STXBP5L: variants seen among roughly 807,000 people sequenced by gnomAD.
The protein encoded by STXBP5L is syntaxin-binding protein 5-like.
A neutral mutation model predicts 144.5 loss-of-function variants in STXBP5L; 65 were observed. The ratio of observed to expected loss-of-function variants is 0.45; its 90% CI spans 0.37 to 0.55. The LOEUF (loss-of-function observed/expected upper bound fraction) is 0.55, where lower values mean the gene tolerates loss of function less well. Among genes scored for constraint, STXBP5L ranks in the 20% least tolerant of loss-of-function variants. The pLI, the probability that STXBP5L is intolerant of heterozygous loss-of-function variation, is 0.00. For missense variants in STXBP5L, 1,298 were observed against 1,405.5 expected (o/e 0.92, Z 1.22); for synonymous variants, 505 against 469.6 (o/e 1.08, Z -0.97).
At chr3:121,070,440 G>T (rs1170313701) in intron 5 of STXBP5L, among the ~76,000 whole-genome samples, 2 of 152,186 alleles carry the variant, frequency 1.3e-5, no homozygotes, top group South Asian at 2.1e-4. Flanking sequence ...TAACTTGAGT[G>T]TAAGGGGGGT....
intron 3 of STXBP5L, among the ~76,000 whole-genome samples, chr3:120,992,189 T>C (rs1426474235): frequency 1.3e-5 from 2 of 152,154 alleles, no homozygotes; most frequent in Non-Finnish European, 2.9e-5. Flanking sequence ...TATTTCTCTG[T>C]ATTTATGGAG....
chr3:121,413,457 C>T, intron 24 of STXBP5L, 134 bp downstream of exon 24: 1 of 770,220 alleles, frequency 1.3e-6, no homozygotes, highest in Middle Eastern at 3.6e-4. Flanking sequence ...AATATATATT[C>T]TTCATTTTGA....
At chr3:121,311,388 T>C (rs1435385698) in intron 19 of STXBP5L, among the ~76,000 whole-genome samples, 1 of 152,220 alleles carries the variant, frequency 6.6e-6, no homozygotes, top group Non-Finnish European at 1.5e-5. Context: ...CTTTATTTAG[T>C]ATAGTAAAGA....
At chr3:120,991,838 C>T (rs1236141479) in intron 3 of STXBP5L, among the ~76,000 whole-genome samples, 4 of 152,050 alleles carry the variant, frequency 2.6e-5, no homozygotes, top group Admixed American at 1.3e-4. Flanking sequence ...GGAGGGATAG[C>T]ATTAGGAGAT....
intron 20 of STXBP5L, among the ~76,000 whole-genome samples, chr3:121,375,735 T>A (rs1233777835): frequency 6.6e-6 from 1 of 152,174 alleles, no homozygotes; most frequent in Non-Finnish European, 1.5e-5. Context: ...ATCCAGGAAA[T>A]GTACAATTAT....
At chr3:120,970,004 A>T (rs1485276632) in intron 3 of STXBP5L, among the ~76,000 whole-genome samples, 7 of 152,090 alleles carry the variant, frequency 4.6e-5, no homozygotes, top group Admixed American at 4.6e-4. Context: ...AAATCAGGTC[A>T]TTTAAAACTG....
intron 9 of STXBP5L, among the ~76,000 whole-genome samples, chr3:121,186,584 G>C (rs1234046866): frequency 1.3e-5 from 2 of 152,136 alleles, no homozygotes; most frequent in Non-Finnish European, 2.9e-5. Flanking sequence ...CTGTTTATAT[G>C]CTGGATTACA....
intron 19 of STXBP5L, among the ~76,000 whole-genome samples, chr3:121,308,519 A>G (rs543613609): frequency 6.6e-5 from 10 of 152,326 alleles, no homozygotes; most frequent in African/African-American, 2.4e-4. Flanking sequence ...TTCTTCTCTC[A>G]GCTGATTTTT....
At chr3:121,027,788 CAT>C in intron 3 of STXBP5L, among the ~76,000 whole-genome samples, 1 of 152,080 alleles carries the variant, frequency 6.6e-6, no homozygotes, top group Admixed American at 6.6e-5. Flanking sequence ...TGTAACATAA[CAT>C]ATTCAAAGGT....
chr3:121,043,669 A>G (rs1469501597), intron 4 of STXBP5L, among the ~76,000 whole-genome samples: 1 of 152,166 alleles, frequency 6.6e-6, no homozygotes, highest in Non-Finnish European at 1.5e-5. Flanking sequence ...AGATCGCACC[A>G]CTGCACTCCA....
At chr3:121,410,810 T>A (rs1464711326) in intron 23 of STXBP5L, among the ~76,000 whole-genome samples, 1 of 152,128 alleles carries the variant, frequency 6.6e-6, no homozygotes, top group Non-Finnish European at 1.5e-5. Flanking sequence ...AAGTCTTTTT[T>A]TCTTCTGTTA....
chr3:121,046,096 G>A (rs899177297), intron 5 of STXBP5L, among the ~76,000 whole-genome samples: 18 of 152,138 alleles, frequency 1.2e-4, no homozygotes, highest in Non-Finnish European at 2.4e-4. Flanking sequence ...TGTACCAGAA[G>A]ACTTTTCTGC....
intron 3 of STXBP5L, among the ~76,000 whole-genome samples, chr3:120,999,526 T>C (rs1397982913): frequency 6.6e-6 from 1 of 152,244 alleles, no homozygotes; most frequent in Non-Finnish European, 1.5e-5. Context: ...CTTTATCTAA[T>C]TGACTATGCT....
intron 18 of STXBP5L, among the ~76,000 whole-genome samples, chr3:121,274,044 T>A (rs2050805889): frequency 6.6e-6 from 1 of 152,234 alleles, no homozygotes; most frequent in South Asian, 2.1e-4. Context: ...TTATTTTGAA[T>A]CATTTTTCAG....
chr3:121,178,031 A>G (rs986647857), intron 9 of STXBP5L, among the ~76,000 whole-genome samples: 6 of 152,220 alleles, frequency 3.9e-5, no homozygotes, highest in Non-Finnish European at 2.9e-5. Flanking sequence ...GCACAAGAAG[A>G]CAAATACTGT....
chr3:121,121,529 C>A, intron 6 of STXBP5L, 112 bp from the exon 7 acceptor site: 1 of 730,048 alleles, frequency 1.4e-6, no homozygotes, highest in Non-Finnish European at 2.2e-6. Context: ...GAGCTTAACC[C>A]TAGAATGGTG....
intron 2 of STXBP5L, among the ~76,000 whole-genome samples, chr3:120,949,734 T>G (rs1319067816): frequency 1.3e-5 from 2 of 151,984 alleles, no homozygotes; most frequent in African/African-American, 4.8e-5. Context: ...TGTCAAAATA[T>G]TCAGCTGTAT....
intron 3 of STXBP5L, among the ~76,000 whole-genome samples, chr3:120,973,993 A>C (rs1488728846): frequency 1.3e-5 from 2 of 152,160 alleles, no homozygotes; most frequent in African/African-American, 4.8e-5. Flanking sequence ...ATAGTGCCGC[A>C]ATAAACATAC....
chr3:121,094,139 G>A (rs1464605862), intron 5 of STXBP5L, among the ~76,000 whole-genome samples: 4 of 152,262 alleles, frequency 2.6e-5, no homozygotes, highest in East Asian at 1.9e-4. Flanking sequence ...CTGAGAGACA[G>A]TTTGTTATAA....
Sources: gnomAD v4.1 joint callset for allele counts (sites outside exome capture counted in the v4.1 genomes callset) on GRCh38, gnomAD v4.1.1 for gene constraint, MANE v1.5 for transcripts, NCBI Gene and HGNC (gene_info 2026-07-23, HGNC 2026-07-21) for gene names.